The following SETDB2 variants were observed in gnomAD, a reference collection of about 807,000 sequenced individuals.
SETDB2 encodes SET domain bifurcated histone lysine methyltransferase 2.
SETDB2 carries 56 observed loss-of-function variants against 82.5 expected under a neutral mutation model. That is an observed-to-expected ratio of 0.68 (90% CI 0.55 to 0.85). The LOEUF is 0.85. Ranked by LOEUF, SETDB2 falls within the 40% of genes least tolerant of loss-of-function variation. The pLI, the probability that SETDB2 is intolerant of heterozygous loss-of-function variation, is 0.00. For missense variants in SETDB2, 677 were observed against 816.4 expected, an observed-to-expected ratio of 0.83 and a Z score of 2.08; for synonymous variants, 272 against 284.9, an observed-to-expected ratio of 0.95 and a Z score of 0.46.
intron 12 of SETDB2, 113 bp from the exon 13 acceptor site, chr13:49,490,709 A>G (rs1423640582): frequency 5.7e-6 from 4 of 706,946 alleles, no homozygotes; most frequent in African/African-American, 1.8e-5. Flanking sequence ...CATTGACAAA[A>G]AAAGAACAAA....
chr13:49,450,893 AAATT>A (rs569119450), intron 1 of SETDB2, among the ~76,000 whole-genome samples: 22 of 151,520 alleles, frequency 1.5e-4, no homozygotes, highest in Non-Finnish European at 2.9e-4. Flanking sequence ...ATTATACTAA[AAATT>A]AATCTATAAA....
intron 5 of SETDB2, among the ~76,000 whole-genome samples, chr13:49,474,107 C>T (rs2138927946): frequency 6.6e-6 from 1 of 152,242 alleles, no homozygotes; most frequent in Non-Finnish European, 1.5e-5. Context: ...ACTAAAAATA[C>T]AAAAATTAGC....
At chr13:49,463,936 G>T in intron 4 of SETDB2, 1 of 704,914 alleles carries the variant, frequency 1.4e-6, no homozygotes, top group Non-Finnish European at 2.6e-6. Flanking sequence ...GCCTATTGCT[G>T]CCTCTGGGAT....
intron 12 of SETDB2, chr13:49,489,028 A>G (rs866115826): frequency 6.2e-6 from 1 of 161,670 alleles, no homozygotes; most frequent in South Asian, 1.7e-4. Flanking sequence ...GTGAAGTTAA[A>G]TGGTGGCAGA....
chr13:49,455,864 A>G (rs111533299), intron 2 of SETDB2, among the ~76,000 whole-genome samples: 175 of 152,204 alleles, frequency 1.1e-3, no homozygotes, highest in African/African-American at 4.2e-3. Context: ...TTGTACTATA[A>G]TGGCTGTACA....
chr13:49,449,012 G>T (rs564206110), intron 1 of SETDB2, among the ~76,000 whole-genome samples: 1 of 152,028 alleles, frequency 6.6e-6, no homozygotes, highest in East Asian at 1.9e-4. Flanking sequence ...TATTTGATAC[G>T]TTTCTTCTTA....
chr13:49,459,574 T>C (rs1201537449), intron 2 of SETDB2, among the ~76,000 whole-genome samples: 1 of 152,230 alleles, frequency 6.6e-6, no homozygotes, highest in Non-Finnish European at 1.5e-5. Flanking sequence ...TTTAGGAAAA[T>C]TTTGAAGTAT....
chr13:49,487,404 T>A (rs563609328), intron 11 of SETDB2, among the ~76,000 whole-genome samples: 33 of 152,314 alleles, frequency 2.2e-4, no homozygotes, highest in African/African-American at 7.9e-4. Flanking sequence ...GGTGGGATCA[T>A]AGCTCACTGT....
intron 8 of SETDB2, 61 bp downstream of exon 8, chr13:49,481,177 T>A: frequency 6.6e-7 from 1 of 1,519,016 alleles, no homozygotes; most frequent in South Asian, 1.2e-5. Flanking sequence ...TAAATATCCA[T>A]TTTCCTAGCC....
At chr13:49,455,925 TTGG>T (rs1957873391) in intron 2 of SETDB2, among the ~76,000 whole-genome samples, 1 of 152,074 alleles carries the variant, frequency 6.6e-6, no homozygotes, top group Non-Finnish European at 1.5e-5. Flanking sequence ...TTAGATGAAA[TTGG>T]TGGTGAAGAT....
intron 4 of SETDB2, chr13:49,463,933 G>C (rs1958049556): frequency 1.4e-6 from 1 of 703,552 alleles, no homozygotes; most frequent in Non-Finnish European, 2.6e-6. Context: ...TGTGCCTATT[G>C]CTGCCTCTGG....
chr13:49,472,206 C>T (rs1958264418), intron 5 of SETDB2, among the ~76,000 whole-genome samples: 1 of 152,048 alleles, frequency 6.6e-6, no homozygotes, highest in Admixed American at 6.6e-5. Context: ...AAAGAAGGGA[C>T]TGAGCAAAAT....
chr13:49,470,589 T>C (rs1958208058), intron 5 of SETDB2, among the ~76,000 whole-genome samples: 1 of 152,204 alleles, frequency 6.6e-6, no homozygotes, highest in African/African-American at 2.4e-5. Context: ...GGCTCACACC[T>C]GTAATCCCAG....
rs1958759933 is a variant in SETDB2 at position 49,493,993 on chromosome 13, T to C, written c.*2144T>C. On this transcript the variant is annotated 3_prime_UTR_variant, in exon 14 of 14. Transcript: ENST00000611815. ...CGTCTGAAACTAATGATTTCCCATC[T>C]CTTCACTGTTTCTGGAATTCCTGTT... The C allele has an allele frequency of 6.6e-6, 1 of 152,224 alleles. No homozygotes were observed. The highest frequency in any genetic ancestry group is 1.5e-5 in the Non-Finnish European group (1 of 68,030). The allele number at this position is 152,224 out of a possible 1,614,324, so 9.4% of individuals were successfully genotyped here. A position where few individuals can be genotyped will look rare whatever the true frequency, so the allele number is the denominator to read the frequency against.
intron 4 of SETDB2, among the ~76,000 whole-genome samples, chr13:49,463,129 C>T (rs1271635642): frequency 6.6e-6 from 1 of 152,018 alleles, no homozygotes; most frequent in Admixed American, 6.6e-5. Flanking sequence ...CCCCAGCCTC[C>T]CGAGTAGCTG....
intron 6 of SETDB2, among the ~76,000 whole-genome samples, chr13:49,477,965 T>A (rs1327850607): frequency 6.6e-6 from 1 of 152,218 alleles, no homozygotes. Context: ...TAAGGGTGTG[T>A]AGTACACATA....
At chr13:49,486,606 T>G (rs1958602738) in intron 11 of SETDB2, among the ~76,000 whole-genome samples, 1 of 152,208 alleles carries the variant, frequency 6.6e-6, no homozygotes, top group African/African-American at 2.4e-5. Flanking sequence ...TCAAACTCTT[T>G]GTAGACGCCT....
At chr13:49,468,559 G>A (rs1308591226) in intron 5 of SETDB2, among the ~76,000 whole-genome samples, 1 of 142,044 alleles carries the variant, frequency 7.0e-6, no homozygotes, top group Non-Finnish European at 1.5e-5. Context: ...AAGTTCTCTA[G>A]AGTAGAGAAC....
intron 6 of SETDB2, among the ~76,000 whole-genome samples, chr13:49,479,864 T>G (rs144028770): frequency 6.6e-6 from 1 of 152,284 alleles, no homozygotes; most frequent in African/African-American, 2.4e-5. Flanking sequence ...CCTTACAAAT[T>G]TGACATATTT....
Sources: allele counts gnomAD v4.1 joint callset (sites outside exome capture counted in the v4.1 genomes callset), GRCh38; gene constraint gnomAD v4.1.1; transcripts MANE v1.5; gene names NCBI Gene and HGNC (gene_info 2026-07-23, HGNC 2026-07-21).